CYP4A11: variants seen among roughly 807,000 people sequenced by gnomAD.
The protein encoded by CYP4A11 is cytochrome P450 4A11.
In CYP4A11, 52 loss-of-function variants were observed where a neutral mutation model predicts 57.7. The ratio of observed to expected loss-of-function variants is 0.90; its 90% CI spans 0.72 to 1.14. The LOEUF (loss-of-function observed/expected upper bound fraction) is 1.14, where lower values mean the gene tolerates loss of function less well. Ranked by LOEUF, CYP4A11 falls within the 50% of genes most tolerant of loss-of-function variation. CYP4A11 has a pLI of 0.00. For missense variants in CYP4A11, 641 were observed against 642.1 expected (o/e 1.00, Z 0.02); for synonymous variants, 228 against 247.1 (o/e 0.92, Z 0.72).
Position 46,935,194 on chromosome 1 carries a change from G to A in CYP4A11, c.636-40C>T, listed in dbSNP as rs188373302. Reference sequence around the variant, plus strand: ...GAAGAAGGGACTGCAGTAGGGGTGGGCCCATTACCCGGAAGTAGAATGGGG... The same window carrying A: ...GAAGAAGGGACTGCAGTAGGGGTGGACCCATTACCCGGAAGTAGAATGGGG... On this transcript the variant is annotated intron_variant, in intron 5 of 11. Transcript: ENST00000310638. The A allele has an allele frequency of 2.2e-4, 353 of 1,591,046 alleles. 3 individuals are homozygous for A. The African/African-American group carries it at 4.5e-3, about 20-fold the overall frequency.
At position 46,934,600 on chromosome 1, in the gene CYP4A11, C is replaced by T. The variant is rs774914757; in HGVS notation, c.791-41G>A. 6 of 1,571,330 alleles carry T rather than the reference C, an allele frequency of 3.8e-6. No individual in the cohort carries two copies. The Admixed American group carries it at 8.9e-5, about 23-fold the overall frequency. Reference sequence around the variant, plus strand: ...GGTTACCAGGCAGAGCTGAGACCGTCAGCAGCCCCCAGGAGGCCTAGCTGC... The same window carrying T: ...GGTTACCAGGCAGAGCTGAGACCGTTAGCAGCCCCCAGGAGGCCTAGCTGC... On this transcript the variant is annotated intron_variant, in intron 6 of 11. Coordinates refer to ENST00000310638, the MANE Select transcript of CYP4A11 (RefSeq NM_000778.4).
intron 4 of CYP4A11, among the ~76,000 whole-genome samples, chr1:46,936,173 C>A (rs1681376683): frequency 6.6e-6 from 1 of 152,208 alleles, no homozygotes; most frequent in Admixed American, 6.5e-5. Flanking sequence ...GGAGATGATG[C>A]TATCTATGGA....
Position 46,941,246 on chromosome 1 carries a change from A to T in CYP4A11, c.188T>A (p.Ile63Asn). 6.2e-7 allele frequency: 1 copy of T among 1,613,170 alleles called. No individual in the cohort carries two copies. The highest frequency in any genetic ancestry group is 8.5e-7 in the Non-Finnish European group (1 of 1,179,474). Residue 63 changes from isoleucine to asparagine, a missense_variant, in exon 1 of 12, where the codon ATC (isoleucine) becomes AAC (asparagine). Coordinates refer to ENST00000310638, the MANE Select transcript of CYP4A11 (RefSeq NM_000778.4). ...CPPSHWLFGH[I>N]QELQQDQELQ... ...CATTGAGTTCCTCCCTACCTCCTGG[A>T]TGTGCCCGAAGAGCCAGTGGGAGGG... is the stretch of plus-strand genomic sequence containing the variant.
In CYP4A11 at chr1:46,932,809, C is replaced by T. The variant is rs764571042; in HGVS notation, c.1316G>A (p.Gly439Asp). ...GAAAGCGTGGCTGTGTTGAGCAGAA[C>T]CCGGTGCAAAACGGAAAGGGTCAAA... ...EVFDPFRFAPGSAQHSHAFLP... is the reference protein window; with the variant it reads ...EVFDPFRFAPDSAQHSHAFLP... Residue 439 changes from glycine (G) to aspartate (D), a missense_variant, in exon 11 of 12, where the codon GGT becomes GAT. Gly to Asp is a moderately conservative substitution (Grantham distance 94, BLOSUM62 -1). Transcript: ENST00000310638. 1.2e-6 allele frequency: 2 copies of T among 1,614,056 alleles called. No homozygotes were observed. Among genetic ancestry groups the T allele is most frequent in the African/African-American group, 1.3e-5 (1 of 74,916 alleles).
At chr1:46,939,747 C>T (rs9332995) in intron 1 of CYP4A11, among the ~76,000 whole-genome samples, 5 of 141,974 alleles carry the variant, frequency 3.5e-5, no homozygotes, top group African/African-American at 8.0e-5. Flanking sequence ...GATAGATATG[C>T]GTGAGAAGAT....
chr1:46,931,525 T>G, intron 11 of CYP4A11: 1 of 787,860 alleles, frequency 1.3e-6, no homozygotes, highest in Non-Finnish European at 1.5e-6. Flanking sequence ...ACTTCTATAT[T>G]TGAATGATGT....
chr1:46,933,152 C>T, intron 9 of CYP4A11, 105 bp from the exon 10 acceptor site: 1 of 1,507,208 alleles, frequency 6.6e-7, no homozygotes, highest in Non-Finnish European at 9.0e-7. Flanking sequence ...CTACTTTCCA[C>T]AAATTTTCAC....
At chr1:46,935,431 G>T in intron 5 of CYP4A11, 92 bp downstream of exon 5, 1 of 1,518,560 alleles carries the variant, frequency 6.6e-7, no homozygotes, top group Non-Finnish European at 8.8e-7. Context: ...TTTGTGTGGC[G>T]GTGAGCCTTC....
At chr1:46,933,919 A>G (rs1258624198) in intron 9 of CYP4A11, 27 bp downstream of exon 9, 3 of 1,613,688 alleles carry the variant, frequency 1.9e-6, no homozygotes, top group Non-Finnish European at 1.7e-6. Flanking sequence ...TGGAGAGTTT[A>G]GGTGAGAGGG....
intron 1 of CYP4A11, chr1:46,940,985 G>C: frequency 1.0e-6 from 1 of 985,358 alleles, no homozygotes; most frequent in East Asian, 1.1e-4. Context: ...TCCACATGCA[G>C]GACTGCCAAG....
At chr1:46,937,256 C>G (rs754687113) in intron 3 of CYP4A11, 46 bp downstream of exon 3, 14 of 1,602,174 alleles carry the variant, frequency 8.7e-6, no homozygotes, top group Non-Finnish European at 1.2e-5. Flanking sequence ...ATAAATAACT[C>G]AAACCTGACT....
intron 3 of CYP4A11, 143 bp downstream of exon 3, chr1:46,937,159 G>T (rs1681459284): frequency 3.9e-6 from 4 of 1,028,712 alleles, no homozygotes; most frequent in South Asian, 1.8e-5. Context: ...AGGGGTGAGG[G>T]TCTTGTTAGA....
intron 2 of CYP4A11, 120 bp from the exon 3 acceptor site, chr1:46,937,466 A>T (rs778694267): frequency 4.1e-6 from 4 of 967,232 alleles, no homozygotes; most frequent in Non-Finnish European, 6.4e-6. Flanking sequence ...CTCCCACTTG[A>T]CTCCCATCCA....
intron 4 of CYP4A11, 110 bp from the exon 5 acceptor site, chr1:46,935,757 G>T: frequency 6.6e-7 from 1 of 1,523,748 alleles, no homozygotes; most frequent in Non-Finnish European, 8.8e-7. Context: ...GTAGCATGCA[G>T]ATATCTTGGT....
chr1:46,940,121 G>C (rs973569146), intron 1 of CYP4A11, among the ~76,000 whole-genome samples: 1 of 149,072 alleles, frequency 6.7e-6, no homozygotes, highest in Non-Finnish European at 1.5e-5. Flanking sequence ...GGGATGGGCT[G>C]TGTCCCTCCT....
chr1:46,935,098 C>G lies in CYP4A11; in HGVS notation c.692G>C (p.Arg231Pro), dbSNP rs761443544. The G allele has an allele frequency of 2.5e-6, 4 of 1,613,956 alleles. No homozygotes were observed. Among genetic ancestry groups the G allele is most frequent in the Admixed American group, 1.7e-5 (1 of 60,002 alleles). ...ATTCTGGTGAAAGGCATTCCTCACACGGGAAAAAACCAGGTTGTTCAGGTC... is the reference window on the plus strand; with the variant it reads ...ATTCTGGTGAAAGGCATTCCTCACAGGGGAAAAAACCAGGTTGTTCAGGTC... ...ISDLNNLVFS[R>P]VRNAFHQNDT... is the part of the protein sequence containing the mutation. The change falls in exon 6 of 12, where the codon CGT becomes CCT. Residue 231 changes from arginine (R) to proline (P), a missense_variant. Physicochemically the swap from Arg to Pro is moderately radical, Grantham distance 103. Coordinates refer to ENST00000310638, the MANE Select transcript of CYP4A11 (RefSeq NM_000778.4).
chr1:46,937,354 G>C lies in CYP4A11; in HGVS notation c.338-8C>G. On this transcript the variant is annotated splice_polypyrimidine_tract_variant and splice_region_variant and intron_variant, in intron 2 of 11. Transcript: ENST00000310638. ...AACCATGGGATTTCGGGTCTGAAAG[G>C]CAAGAAAGGGCTTTATAGGAAACTA... 2 of 1,613,900 alleles carry C rather than the reference G, an allele frequency of 1.2e-6. No homozygotes were observed. Among genetic ancestry groups the C allele is most frequent in the Non-Finnish European group, 1.7e-6 (2 of 1,179,822 alleles).
In CYP4A11 at chr1:46,935,048, C is replaced by T; in HGVS notation, c.742G>A (p.Ala248Thr). 1 of 1,614,134 alleles carries T rather than the reference C, an allele frequency of 6.2e-7. No individual in the cohort carries two copies. Reference protein sequence around the residue: ...QNDTIYSLTSAGRWTHRACQL... With the variant: ...QNDTIYSLTSTGRWTHRACQL... ...CAGGCGCGGTGTGTCCAGCGGCCAGCAGAGGTCAGGCTGTAGATGGTGTCA... is the reference window on the plus strand; with the variant it reads ...CAGGCGCGGTGTGTCCAGCGGCCAGTAGAGGTCAGGCTGTAGATGGTGTCA... The change falls in exon 6 of 12, where the codon GCT (alanine) becomes ACT (threonine). Residue 248 changes from alanine (A) to threonine (T), a missense_variant. Physicochemically the swap from Ala to Thr is moderately conservative, Grantham distance 58 (BLOSUM62 0). Transcript: ENST00000310638.
At chr1:46,930,660 C>T (rs2148450009) in intron 11 of CYP4A11, among the ~76,000 whole-genome samples, 1 of 152,330 alleles carries the variant, frequency 6.6e-6, no homozygotes, top group South Asian at 2.1e-4. Flanking sequence ...CCTCCACAAA[C>T]ATTTCTTGTT....
Sources: gnomAD v4.1 joint callset for allele counts (sites outside exome capture counted in the v4.1 genomes callset) on GRCh38, gnomAD v4.1.1 for gene constraint, MANE v1.5 for transcripts, NCBI Gene and HGNC (gene_info 2026-07-23, HGNC 2026-07-21) for gene names.